The following RPS6KA2 variants were observed in gnomAD, a reference collection of about 807,000 sequenced individuals.
RPS6KA2 encodes the protein ribosomal protein S6 kinase A2.
A neutral mutation model predicts 91.8 loss-of-function variants in RPS6KA2; 42 were observed. That is an observed-to-expected ratio of 0.46 (90% CI 0.36 to 0.59). The LOEUF (loss-of-function observed/expected upper bound fraction) is 0.59. Among genes scored for constraint, RPS6KA2 ranks in the 20% least tolerant of loss-of-function variants. RPS6KA2 has a pLI of 0.00. For synonymous variants in RPS6KA2, 414 were observed against 393.6 expected (o/e 1.05, Z -0.61); for missense variants, 798 against 978.5 (o/e 0.82, Z 2.46).
At chr6:166,572,684 G>A (rs1267945640) in intron 1 of RPS6KA2, among the ~76,000 whole-genome samples, 1 of 152,226 alleles carries the variant, frequency 6.6e-6, no homozygotes, top group South Asian at 2.1e-4. Flanking sequence ...GCTGAACCTG[G>A]ACCAGCAAGG....
At chr6:166,589,046 T>G (rs1785276532) in intron 1 of RPS6KA2, among the ~76,000 whole-genome samples, 1 of 152,212 alleles carries the variant, frequency 6.6e-6, no homozygotes, top group Non-Finnish European at 1.5e-5. Flanking sequence ...AAGCCCTTGA[T>G]GAGTCAGAGC....
intron 14 of RPS6KA2, among the ~76,000 whole-genome samples, chr6:166,447,715 T>C (rs1583146546): frequency 6.6e-6 from 1 of 152,298 alleles, no homozygotes; most frequent in Non-Finnish European, 1.5e-5. Context: ...TGTAGGAGAA[T>C]CACAGTTGAT....
chr6:166,684,140 T>C (rs190222815), intron 2 of RPS6KA2, among the ~76,000 whole-genome samples: 35 of 152,256 alleles, frequency 2.3e-4, no homozygotes, highest in Admixed American at 2.3e-3. Context: ...GACTTGACTC[T>C]GGAGGCAGGG....
intron 2 of RPS6KA2, among the ~76,000 whole-genome samples, chr6:166,775,066 A>G (rs768736221): frequency 6.6e-6 from 1 of 152,268 alleles, no homozygotes; most frequent in Non-Finnish European, 1.5e-5. Context: ...CGTTTCTTAT[A>G]CTTAATTAGG....
intron 2 of RPS6KA2, among the ~76,000 whole-genome samples, chr6:166,536,344 G>C (rs994938425): frequency 6.6e-6 from 1 of 152,210 alleles, no homozygotes; most frequent in Non-Finnish European, 1.5e-5. Flanking sequence ...AGGTGCAAAA[G>C]GGAAGATGAC....
chr6:166,637,926 A>C (rs560483948), intron 2 of RPS6KA2, among the ~76,000 whole-genome samples: 1 of 152,292 alleles, frequency 6.6e-6, no homozygotes, highest in South Asian at 2.1e-4. Context: ...CTGAGGGAGG[A>C]CCCCATAACC....
intron 2 of RPS6KA2, among the ~76,000 whole-genome samples, chr6:166,642,383 T>C (rs1018981987): frequency 3.3e-5 from 5 of 152,238 alleles, no homozygotes; most frequent in Non-Finnish European, 7.3e-5. Context: ...TCCAGTGAAA[T>C]TGTGTGGGTA....
intron 1 of RPS6KA2, among the ~76,000 whole-genome samples, chr6:166,622,788 C>A (rs1786692810): frequency 6.6e-6 from 1 of 152,190 alleles, no homozygotes; most frequent in Admixed American, 6.5e-5. Context: ...AATAAATTGA[C>A]AATTGATCTA....
intron 3 of RPS6KA2, among the ~76,000 whole-genome samples, chr6:166,529,281 T>A (rs928783143): frequency 6.6e-6 from 1 of 152,182 alleles, no homozygotes; most frequent in Non-Finnish European, 1.5e-5. Flanking sequence ...GGGACATGGA[T>A]GAAGCTGGAA....
Position 166,494,014 on chromosome 6 carries a change from C to T in RPS6KA2, c.748-3273G>A, listed in dbSNP as rs533590746. Among the ~76,000 whole-genome samples the T allele has an allele frequency of 3.9e-5, 6 of 152,338 alleles. No individual in the cohort carries two copies. The highest frequency in any genetic ancestry group is 3.4e-3 in the Middle Eastern group (1 of 294). ...GAGACTCTGGGGAGACCCTTGGTGACAGGAGCCTCGATTTCAAGTTTACTT... is the reference window on the plus strand; with the variant it reads ...GAGACTCTGGGGAGACCCTTGGTGATAGGAGCCTCGATTTCAAGTTTACTT... On this transcript the variant is annotated intron_variant, in intron 8 of 20. Transcript: ENST00000265678. The surrounding 1 kb of genome is among the most constrained non-coding windows in gnomAD (Gnocchi z 5.1).
At chr6:166,531,586 G>T (rs1015284359) in intron 2 of RPS6KA2, among the ~76,000 whole-genome samples, 2 of 152,062 alleles carry the variant, frequency 1.3e-5, no homozygotes, top group Non-Finnish European at 2.9e-5. Context: ...AAATAATACC[G>T]CCCCTTGTTT....
At chr6:166,758,666 G>C (rs780790374) in intron 2 of RPS6KA2, among the ~76,000 whole-genome samples, 2 of 152,176 alleles carry the variant, frequency 1.3e-5, no homozygotes, top group South Asian at 4.1e-4. Flanking sequence ...AATCGCCTTC[G>C]AGGTGACAGA....
At chr6:166,483,185 G>A (rs577231257) in intron 10 of RPS6KA2, among the ~76,000 whole-genome samples, 8 of 152,356 alleles carry the variant, frequency 5.3e-5, no homozygotes, top group East Asian at 1.9e-4. Context: ...GAGAGGACAC[G>A]CGCAGCTGCA....
chr6:166,754,625 C>G (rs1380242013), intron 2 of RPS6KA2, among the ~76,000 whole-genome samples: 1 of 152,090 alleles, frequency 6.6e-6, no homozygotes, highest in Non-Finnish European at 1.5e-5. Context: ...GAAAAGTGCA[C>G]TCCTGGGTGA....
At chr6:166,714,452 C>T (rs1789954930) in intron 2 of RPS6KA2, among the ~76,000 whole-genome samples, 1 of 152,160 alleles carries the variant, frequency 6.6e-6, no homozygotes, top group African/African-American at 2.4e-5. Context: ...GATGTCCTAA[C>T]CTCTGGAACT....
At chr6:166,550,060 A>G (rs1157383519) in intron 1 of RPS6KA2, among the ~76,000 whole-genome samples, 2 of 152,246 alleles carry the variant, frequency 1.3e-5, no homozygotes, top group Admixed American at 1.3e-4. Context: ...CGTCATGTAT[A>G]TGATGATTAC....
chr6:166,456,037 A>G (rs1282715198), intron 12 of RPS6KA2, among the ~76,000 whole-genome samples: 1 of 152,222 alleles, frequency 6.6e-6, no homozygotes, highest in Non-Finnish European at 1.5e-5. Flanking sequence ...GGCACAGGCC[A>G]TGTTAACTTG....
chr6:166,525,220 T>C (rs2128489463), intron 3 of RPS6KA2, among the ~76,000 whole-genome samples: 1 of 152,346 alleles, frequency 6.6e-6, no homozygotes, highest in Admixed American at 6.5e-5. Flanking sequence ...AGTGGGGATA[T>C]TACCCTTTGG....
At chr6:166,470,055 C>T (rs111494736) in intron 10 of RPS6KA2, 150 bp from the exon 11 acceptor site, 53 of 685,612 alleles carry the variant, frequency 7.7e-5, no homozygotes, top group South Asian at 4.7e-4. Context: ...AAGGCACCTG[C>T]GCACCTGCCG....
Sources: allele counts gnomAD v4.1 joint callset (sites outside exome capture counted in the v4.1 genomes callset), GRCh38; gene constraint gnomAD v4.1.1; non-coding constraint Gnocchi (gnomAD v3.1); transcripts MANE v1.5; gene names NCBI Gene and HGNC (gene_info 2026-07-23, HGNC 2026-07-21).